GRK1: variants seen among roughly 807,000 people sequenced by gnomAD.
The protein encoded by GRK1 is G protein-coupled receptor kinase 1, also known as rhodopsin kinase GRK1.
GRK1 carries 28 observed loss-of-function variants against 41.7 expected under a neutral mutation model. That is an observed-to-expected ratio of 0.67 (90% CI 0.50 to 0.92). The LOEUF is 0.92. GRK1 is among the 40% of genes least tolerant of loss of function. The pLI is 0.00. For synonymous variants in GRK1, 327 were observed against 286.7 expected, an observed-to-expected ratio of 1.14 and a Z score of -1.42; for missense variants, 703 against 671.2, an observed-to-expected ratio of 1.05 and a Z score of -0.52.
chr13:113,667,335 C>T lies in GRK1; in HGVS notation c.-52C>T, dbSNP rs556915647. 9 of 1,473,906 alleles carry T rather than the reference C, an allele frequency of 6.1e-6. No homozygotes were observed. The South Asian group carries it at 1.3e-4, about 21-fold the overall frequency. The allele number at this position is 1,473,906 out of a possible 1,614,324, so 91.3% of individuals were successfully genotyped here. ...CTGCTCTGTCTGTGAACGCTCCCGG[C>T]TTGGCCTCGGCTGATGGGCCCTCAC... On this transcript the variant is annotated 5_prime_UTR_variant, in exon 1 of 7. Coordinates refer to ENST00000335678, the MANE Select transcript of GRK1 (RefSeq NM_002929.3). This position sits in a 1 kb window ranked among gnomAD's most constrained non-coding sequence, Gnocchi z 7.5.
rs2049833120 is a variant in GRK1 at position 113,668,202 on chromosome 13, A to G, written c.699+117A>G. On this transcript the variant is annotated intron_variant, in intron 1 of 6. Coordinates refer to ENST00000335678, the MANE Select transcript of GRK1 (RefSeq NM_002929.3). ...CCGGGGCCCTTAACAGCTGGTGCCT[A>G]AGGGAGCATGCATGCCAGCCTCGCC... 7 of 1,115,770 alleles carry G rather than the reference A, an allele frequency of 6.3e-6. No homozygotes were observed. In the South Asian group the frequency reaches 1.1e-4, roughly 18 times the overall value. 69.1% of individuals were successfully genotyped at this position (1,115,770 alleles called of 1,614,324 possible).
the GRK1 span, chr13:113,654,808 G>C: frequency 1.2e-6 from 2 of 1,613,376 alleles, no homozygotes; most frequent in South Asian, 1.1e-5. Flanking sequence ...CATCCCGGGC[G>C]CTTACCTGGT....
At chr13:113,657,687 C>T in the GRK1 span, among the ~76,000 whole-genome samples, 2 of 151,924 alleles carry the variant, frequency 1.3e-5, no homozygotes, top group African/African-American at 4.9e-5. Flanking sequence ...AAGGAATCAC[C>T]GTTGCCACCT....
chr13:113,653,259 CCCG>C, the GRK1 span: 1 of 1,525,688 alleles, frequency 6.6e-7, no homozygotes, highest in African/African-American at 1.4e-5. Context: ...ACCTCACCCA[CCCG>C]CCGCTTCACA....
intron 4 of GRK1, among the ~76,000 whole-genome samples, chr13:113,729,216 A>T (rs1352183555): frequency 6.6e-6 from 1 of 152,214 alleles, no homozygotes; most frequent in Non-Finnish European, 1.5e-5. Flanking sequence ...GTGTGAAAGC[A>T]CTGAGCCTAG....
At chr13:113,733,769 G>C (rs879921636) in intron 6 of GRK1, among the ~76,000 whole-genome samples, 12,104 of 141,978 alleles carry the variant, frequency 0.085, 941 homozygotes, top group Middle Eastern at 0.14. Context: ...GTGTGTATGT[G>C]TGTGCATACG....
At chr13:113,654,822 C>T in the GRK1 span, 28 of 1,613,808 alleles carry the variant, frequency 1.7e-5, no homozygotes, top group East Asian at 2.2e-5. Context: ...ACCTGGTGAC[C>T]GTAGCTGGTC....
intron 6 of GRK1, among the ~76,000 whole-genome samples, chr13:113,733,815 G>A (rs1267462553): frequency 2.9e-5 from 3 of 105,088 alleles, no homozygotes; most frequent in Non-Finnish European, 4.2e-5. Context: ...GTGTGCATAC[G>A]TGTGTGCGTG....
intron 4 of GRK1, among the ~76,000 whole-genome samples, chr13:113,728,684 G>A (rs1427051109): frequency 6.6e-6 from 1 of 152,212 alleles, no homozygotes; most frequent in Non-Finnish European, 1.5e-5. Flanking sequence ...CTGGACCACG[G>A]AAGTGCCTGA....
chr13:113,670,183 T>A (rs1167822965), intron 2 of GRK1, among the ~76,000 whole-genome samples: 1 of 152,078 alleles, frequency 6.6e-6, no homozygotes, highest in South Asian at 2.1e-4. Context: ...CAGCGCCCAC[T>A]CCTAGGGCTG....
chr13:113,651,697 C>T, the GRK1 span: 1 of 1,613,692 alleles, frequency 6.2e-7, no homozygotes, highest in South Asian at 1.1e-5. Context: ...ACTCTGGGGG[C>T]CGAGCCGTTG....
chr13:113,658,223 T>A, the GRK1 span: 7 of 1,361,306 alleles, frequency 5.1e-6, no homozygotes, highest in Non-Finnish European at 7.1e-6. Context: ...ACCTCTGGGC[T>A]TTATAGTTTC....
At chr13:113,726,759 G>C (rs2049891365) in intron 4 of GRK1, among the ~76,000 whole-genome samples, 1 of 152,330 alleles carries the variant, frequency 6.6e-6, no homozygotes, top group South Asian at 2.1e-4. Context: ...CTCTGGGTGG[G>C]TCTAGAGGCT....
chr13:113,663,360 C>A (rs777641213), upstream of GRK1, among the ~76,000 whole-genome samples: 3 of 152,102 alleles, frequency 2.0e-5, no homozygotes, highest in Non-Finnish European at 4.4e-5. Context: ...TGGATATGAA[C>A]GTAAATGTAA....
the GRK1 span, chr13:113,649,410 T>A: frequency 6.3e-7 from 1 of 1,592,632 alleles, no homozygotes; most frequent in Non-Finnish European, 8.6e-7. This position sits in a 1 kb window ranked among gnomAD's most constrained non-coding sequence, Gnocchi z 4.7. Context: ...CCACTTTCCC[T>A]TCATACGGGT....
At chr13:113,661,547 G>C in the GRK1 span, among the ~76,000 whole-genome samples, 1 of 152,000 alleles carries the variant, frequency 6.6e-6, no homozygotes. Flanking sequence ...CAATGAACTT[G>C]AAAATGCAAA....
intron 4 of GRK1, among the ~76,000 whole-genome samples, chr13:113,728,342 A>G (rs1222535164): frequency 2.3e-5 from 3 of 128,654 alleles, no homozygotes; most frequent in East Asian, 2.2e-4. Context: ...ACCCATGGTG[A>G]TGAGGAGTAC....
the GRK1 span, among the ~76,000 whole-genome samples, chr13:113,651,142 A>G: frequency 6.6e-6 from 1 of 152,108 alleles, no homozygotes; most frequent in Non-Finnish European, 1.5e-5. Flanking sequence ...ACGCTGTGAA[A>G]CCTTTGCCTT....
intron 6 of GRK1, among the ~76,000 whole-genome samples, chr13:113,733,819 G>GTATGTGTATCTGTGTGCA (rs1566700041): frequency 1.4e-5 from 2 of 147,614 alleles, no homozygotes; most frequent in African/African-American, 5.1e-5. Context: ...GCATACGTGT[G>GTATGTGTATCTGTGTGCA]TGCGTGTGTG....
Sources: gnomAD v4.1 joint callset for allele counts (sites outside exome capture counted in the v4.1 genomes callset) on GRCh38, gnomAD v4.1.1 for gene constraint, Gnocchi (gnomAD v3.1) non-coding constraint, MANE v1.5 for transcripts, NCBI Gene and HGNC (gene_info 2026-07-23, HGNC 2026-07-21) for gene names.